NUTM2F: variants seen among roughly 807,000 people sequenced by gnomAD.
The protein encoded by NUTM2F is family with sequence similarity 22, member F.
NUTM2F carries 22 observed loss-of-function variants against 43.3 expected under a neutral mutation model. The ratio of observed to expected loss-of-function variants is 0.51; its 90% CI spans 0.36 to 0.73. The LOEUF (loss-of-function observed/expected upper bound fraction) is 0.73. Ranked by LOEUF, NUTM2F falls within the 30% of genes least tolerant of loss-of-function variation. The probability of loss-of-function intolerance (pLI) is 0.00; values close to 1 mark genes in which losing one functional copy is unlikely to be tolerated. For missense variants in NUTM2F, 488 were observed against 927.4 expected, an observed-to-expected ratio of 0.53 and a Z score of 6.15; for synonymous variants, 202 against 389.0, an observed-to-expected ratio of 0.52 and a Z score of 5.66.
intron 2 of NUTM2F, among the ~76,000 whole-genome samples, chr9:94,323,888 C>A (rs1037634286): frequency 5.3e-5 from 8 of 152,180 alleles, no homozygotes; most frequent in Non-Finnish European, 1.2e-4. Context: ...TCCTGCTGGG[C>A]CCTGCAGCTC....
chr9:94,323,742 G>A (rs1244466270), intron 2 of NUTM2F, among the ~76,000 whole-genome samples: 5 of 152,024 alleles, frequency 3.3e-5, no homozygotes, highest in African/African-American at 4.8e-5. Context: ...TTTTTTCTAG[G>A]GGGGATTGAC....
rs572578946 is a variant in NUTM2F, at chr9:94,325,906, G to A, written c.45C>T (p.Thr15=). 22 of 1,611,838 alleles carry A rather than the reference G, an allele frequency of 1.4e-5. No homozygotes were observed. The highest frequency in any genetic ancestry group is 2.2e-5 in the East Asian group (1 of 44,878). Residue 15 remains threonine (T), a synonymous_variant, in exon 2 of 7, where the codon ACC becomes ACT. Coordinates refer to ENST00000253262, the MANE Select transcript of NUTM2F (RefSeq NM_017561.2). The stretch of plus-strand genomic sequence containing the variant: ...CAGACAGGGAGGTGCCAGGGTTCAC[G>A]GTCACGCCGGGTCCCAGCACTGGGT... ...GAYPVLGPGV[T]VNPGTSLSVF...
intron 1 of NUTM2F, among the ~76,000 whole-genome samples, chr9:94,328,353 C>G (rs1320086686): frequency 6.6e-6 from 1 of 152,110 alleles, no homozygotes; most frequent in Non-Finnish European, 1.5e-5. Context: ...TAGAAAGGAT[C>G]AACCCATCCT....
chr9:94,326,767 A>T (rs1163657656), intron 1 of NUTM2F, among the ~76,000 whole-genome samples: 8 of 135,746 alleles, frequency 5.9e-5, no homozygotes, highest in African/African-American at 2.5e-4. Context: ...AAAAAAAAAA[A>T]GAAAACCACT....
intron 2 of NUTM2F, among the ~76,000 whole-genome samples, chr9:94,323,813 T>G (rs575631179): frequency 6.6e-6 from 1 of 152,276 alleles, no homozygotes; most frequent in South Asian, 2.1e-4. Flanking sequence ...ACCATCCCCC[T>G]GTGCAGGCTC....
intron 2 of NUTM2F, among the ~76,000 whole-genome samples, chr9:94,324,458 T>A (rs1039021450): frequency 1.3e-4 from 20 of 148,704 alleles, no homozygotes; most frequent in African/African-American, 4.0e-4. Context: ...GGCAGGAGAT[T>A]GAGAGCATCC....
Position 94,322,341 on chromosome 9 carries a change from T to G in NUTM2F, c.714-12A>C. On this transcript the variant is annotated splice_polypyrimidine_tract_variant and intron_variant, in intron 2 of 6. Coordinates refer to ENST00000253262, the MANE Select transcript of NUTM2F (RefSeq NM_017561.2). ...ATCGGAGAACTGGGCTGTAAACCAG[T>G]GCAGTCAGTCCCAGTCTGTAAGCCC... is the stretch of plus-strand genomic sequence containing the variant. The G allele has an allele frequency of 6.2e-7, 1 of 1,611,732 alleles. No individual in the cohort carries two copies. Among genetic ancestry groups the G allele is most frequent in the Non-Finnish European group, 8.5e-7 (1 of 1,179,774 alleles).
At position 94,320,445 on chromosome 9, in the gene NUTM2F, C is replaced by A. The variant is rs746060354; in HGVS notation, c.1131G>T (p.Arg377Ser). 2.5e-6 allele frequency: 4 copies of A among 1,603,760 alleles called. No homozygotes were observed. The South Asian group carries it at 4.4e-5, about 18-fold the overall frequency. Residue 377 changes from arginine to serine, a missense_variant, in exon 5 of 7, where the codon AGG becomes AGT. Coordinates refer to ENST00000253262, the MANE Select transcript of NUTM2F (RefSeq NM_017561.2). This position sits in a 1 kb window ranked among gnomAD's most constrained non-coding sequence, Gnocchi z 4.5. ...AETNAHLPPP[R>S]PQRPAETKVP... is the part of the protein sequence containing the mutation. ...CCTTGGTCTCCGCTGGCCTCTGGGG[C>A]CTGGGTGGTGGCAGGTGGGCGTTGG...
chr9:94,323,365 T>C (rs1831404527), intron 2 of NUTM2F, among the ~76,000 whole-genome samples: 1 of 152,230 alleles, frequency 6.6e-6, no homozygotes, highest in African/African-American at 2.4e-5. Flanking sequence ...ACGGTGGATA[T>C]GCTCAAGCTC....
At chr9:94,319,874 C>T (rs1409664332) in intron 5 of NUTM2F, 145 bp from the exon 6 acceptor site, 26 of 1,033,718 alleles carry the variant, frequency 2.5e-5, no homozygotes, top group South Asian at 9.5e-5. Flanking sequence ...ACCAGCTACA[C>T]GCACAGACCA....
Position 94,325,636 on chromosome 9 carries a change from G to A in NUTM2F, c.315C>T (p.Ala105=). ...PQAQTLILTQ[A]PLVWQAPGTL... is the part of the protein sequence containing the mutation. The stretch of plus-strand genomic sequence containing the variant: ...TGCCTGGAGCCTGCCAGACGAGGGG[G>A]GCCTGAGTTAGGATCAAGGTCTGTG... Residue 105 remains alanine (A), a synonymous_variant, in exon 2 of 7, where the codon GCC becomes GCT. Transcript: ENST00000253262. 6.2e-7 allele frequency: 1 copy of A among 1,606,734 alleles called. No individual in the cohort carries two copies. The highest frequency in any genetic ancestry group is 8.5e-7 in the Non-Finnish European group (1 of 1,178,372).
rs1831329645 is a variant in NUTM2F, at chr9:94,319,649, C to T, written c.1449G>A (p.Gln483=). ...DPQMDFLALS[Q]ELEQEEGLTL... ...TGAGTCCTTCCTCCTGCTCCAGCTC[C>T]TGGCTTAGGGCCAAGAAATCCATCT... is the stretch of plus-strand genomic sequence containing the variant. The change falls in exon 6 of 7, where the codon CAG becomes CAA. Residue 483 remains glutamine, a synonymous_variant. Transcript: ENST00000253262. 5 of 1,612,072 alleles carry T rather than the reference C, an allele frequency of 3.1e-6. No individual in the cohort carries two copies. The highest frequency in any genetic ancestry group is 2.2e-4 in the Middle Eastern group (1 of 4,650).
At chr9:94,325,052 G>A (rs942763069) in intron 2 of NUTM2F, among the ~76,000 whole-genome samples, 186 bp downstream of exon 2, 1 of 139,936 alleles carries the variant, frequency 7.1e-6, no homozygotes, top group Non-Finnish European at 1.5e-5. Flanking sequence ...TTGACGTGAG[G>A]CCCCTGACAG....
At chr9:94,322,499 C>T (rs961065384) in intron 2 of NUTM2F, among the ~76,000 whole-genome samples, 170 bp from the exon 3 acceptor site, 2 of 152,230 alleles carry the variant, frequency 1.3e-5, no homozygotes, top group Non-Finnish European at 2.9e-5. Context: ...CAAGATCCAA[C>T]ATCAATAGAA....
chr9:94,320,966 C>T lies in NUTM2F; in HGVS notation c.982+127G>A. On this transcript the variant is annotated intron_variant, in intron 4 of 6. Transcript: ENST00000253262. The surrounding 1 kb of genome is among the most constrained non-coding windows in gnomAD (Gnocchi z 4.5). ...CCTGGTCAATACCCAACATACACTCCCGGAAGCTGTCCTGTTGGAGGGAGC... is the reference window on the plus strand; with the variant it reads ...CCTGGTCAATACCCAACATACACTCTCGGAAGCTGTCCTGTTGGAGGGAGC... 6.9e-7 allele frequency: 1 copy of T among 1,446,752 alleles called. No individual in the cohort carries two copies. Among genetic ancestry groups the T allele is most frequent in the South Asian group, 1.4e-5 (1 of 69,968 alleles). 89.6% of individuals were successfully genotyped at this position (1,446,752 alleles called of 1,614,324 possible). A position where few individuals can be genotyped will look rare whatever the true frequency, so the allele number is the denominator to read the frequency against.
In NUTM2F at chr9:94,319,673, C is replaced by A. The variant is rs776953246; in HGVS notation, c.1425G>T (p.Gln475His). Reference protein sequence around the residue: ...FLEELLSPDPQMDFLALSQEL... With the variant: ...FLEELLSPDPHMDFLALSQEL... ...CCTGGCTTAGGGCCAAGAAATCCAT[C>A]TGTGGATCTGGGGAAAGCAATTCTT... The change falls in exon 6 of 7, where the codon CAG (glutamine) becomes CAT (histidine). Residue 475 changes from glutamine (Q) to histidine (H), a missense_variant. By Grantham distance (24) the Gln-to-His change is conservative. Coordinates refer to ENST00000253262, the MANE Select transcript of NUTM2F (RefSeq NM_017561.2). 3.1e-6 allele frequency: 5 copies of A among 1,611,934 alleles called. No individual in the cohort carries two copies. The highest frequency in any genetic ancestry group is 4.2e-6 in the Non-Finnish European group (5 of 1,179,816).
At chr9:94,326,881 G>A (rs970912502) in intron 1 of NUTM2F, among the ~76,000 whole-genome samples, 45 of 151,812 alleles carry the variant, frequency 3.0e-4, no homozygotes, top group Non-Finnish European at 6.0e-4. Flanking sequence ...CCACACAAGT[G>A]TTAAATAGGG....
chr9:94,319,615 G>T lies in NUTM2F; in HGVS notation c.1483C>A (p.Gln495Lys), dbSNP rs1564100912. The part of the protein sequence containing the change: ...LEQEEGLTLA[Q>K]LVEKRLLSLK... The stretch of plus-strand genomic sequence containing the variant: ...TTCCCCTCCCTCCGCTGCTCTACCT[G>T]GGCAAGGGTGAGTCCTTCCTCCTGC... Residue 495 changes from glutamine to lysine, a missense_variant and splice_region_variant, in exon 6 of 7, where the codon CAG becomes AAG. Physicochemically the swap from Gln to Lys is moderately conservative, Grantham distance 53. Coordinates refer to ENST00000253262, the MANE Select transcript of NUTM2F (RefSeq NM_017561.2). 2.5e-6 allele frequency: 4 copies of T among 1,612,260 alleles called. No homozygotes were observed. Among genetic ancestry groups the T allele is most frequent in the Non-Finnish European group, 3.4e-6 (4 of 1,179,852 alleles).
At position 94,325,138 on chromosome 9, in the gene NUTM2F, C is replaced by T. The variant is rs764311744; in HGVS notation, c.713+100G>A. ...TAGCACAACCCATCACCCTCACAAC[C>T]GCCCTGCAAGCTCCCCTGAACAGTG... On this transcript the variant is annotated intron_variant, in intron 2 of 6. Coordinates refer to ENST00000253262, the MANE Select transcript of NUTM2F (RefSeq NM_017561.2). 8 of 771,588 alleles carry T rather than the reference C, an allele frequency of 1.0e-5. 1 individual carries two copies. The highest frequency in any genetic ancestry group is 5.3e-5 in the East Asian group (2 of 38,084). 47.8% of individuals were successfully genotyped at this position (771,588 alleles called of 1,614,324 possible).
Sources: allele counts gnomAD v4.1 joint callset (sites outside exome capture counted in the v4.1 genomes callset), GRCh38; gene constraint gnomAD v4.1.1; non-coding constraint Gnocchi (gnomAD v3.1); transcripts MANE v1.5; gene names NCBI Gene and HGNC (gene_info 2026-07-23, HGNC 2026-07-21).